RGS20: variants seen among roughly 807,000 people sequenced by gnomAD.
RGS20 encodes regulator of G protein signaling 20.
In RGS20, 30 loss-of-function variants were observed where a neutral mutation model predicts 33.6. The ratio of observed to expected loss-of-function variants is 0.89; its 90% CI spans 0.67 to 1.21. The LOEUF is 1.21. RGS20 is among the 50% of genes most tolerant of loss of function. The pLI is 0.00. For missense variants in RGS20, 472 were observed against 502.4 expected (o/e 0.94, Z 0.58); for synonymous variants, 208 against 197.9 (o/e 1.05, Z -0.43).
chr8:53,889,412 CTTTTTTTTTTTTT>C (rs34316630), intron 2 of RGS20, among the ~76,000 whole-genome samples: 1,120 of 41,872 alleles, frequency 0.027, 89 homozygotes, highest in South Asian at 0.054. Context: ...CTCTCTCTCT[CTTTTTTTTTTTTT>C]TTTTTTTTTT....
intron 2 of RGS20, among the ~76,000 whole-genome samples, chr8:53,915,900 T>G (rs189960170): frequency 6.6e-6 from 1 of 152,352 alleles, no homozygotes; most frequent in East Asian, 1.9e-4. Context: ...TACTGACATA[T>G]TTTACCATAT....
At position 53,876,290 on chromosome 8, in the gene RGS20, C is replaced by T. The variant is rs1812206731; in HGVS notation, c.166-2968C>T. 2.0e-5 allele frequency: 3 copies of T among 152,188 alleles called. No homozygotes were observed. The South Asian group carries it at 6.2e-4, about 31-fold the overall frequency. 9.4% of individuals were successfully genotyped at this position (152,188 alleles called of 1,614,324 possible). A position where few individuals can be genotyped will look rare whatever the true frequency, so the allele number is the denominator to read the frequency against. ...AACCTTCCATTTGAAATGGGCAAGA[C>T]ATTGTTCATACGGATTTAGGCTGTG... On this transcript the variant is annotated intron_variant, in intron 1 of 5. Transcript: ENST00000297313.
In RGS20 at chr8:53,879,470, C is replaced by T. The variant is rs1359389006; in HGVS notation, c.378C>T (p.Arg126=). ...GGGGGCACGAGGAGCTGCCGGGCCG[C>T]CTCTCGCTCCTGCTCGGGGCGGCGC... Residue 126 remains arginine, a synonymous_variant, in exon 2 of 6, where the codon CGC becomes CGT. Coordinates refer to ENST00000297313, the MANE Select transcript of RGS20 (RefSeq NM_170587.4). 1 of 1,583,538 alleles carries T rather than the reference C, an allele frequency of 6.3e-7. No individual in the cohort carries two copies. The highest frequency in any genetic ancestry group is 1.1e-5 in the South Asian group (1 of 87,372).
intron 3 of RGS20, among the ~76,000 whole-genome samples, chr8:53,944,826 C>A (rs1814424179): frequency 6.6e-6 from 1 of 152,144 alleles, no homozygotes; most frequent in South Asian, 2.1e-4. Context: ...ACACATCTCT[C>A]CAAAGATGTA....
At chr8:53,898,567 C>A (rs1003470197) in intron 2 of RGS20, among the ~76,000 whole-genome samples, 3 of 152,292 alleles carry the variant, frequency 2.0e-5, no homozygotes, top group Middle Eastern at 3.4e-3. Flanking sequence ...TTGAAGCATG[C>A]ATAACACATG....
intron 2 of RGS20, among the ~76,000 whole-genome samples, chr8:53,907,785 G>A (rs1052764329): frequency 3.3e-5 from 5 of 152,096 alleles, no homozygotes; most frequent in African/African-American, 1.2e-4. Context: ...AGAGGGGTAG[G>A]AAATGAGGGG....
At chr8:53,945,742 C>G (rs1179574537) in intron 3 of RGS20, among the ~76,000 whole-genome samples, 1 of 151,788 alleles carries the variant, frequency 6.6e-6, no homozygotes, top group Non-Finnish European at 1.5e-5. Context: ...ATGGTGAAAC[C>G]AAATACAAAA....
At chr8:53,864,457 A>T (rs1232837483) in intron 1 of RGS20, among the ~76,000 whole-genome samples, 2 of 150,398 alleles carry the variant, frequency 1.3e-5, no homozygotes, top group Non-Finnish European at 3.0e-5. Flanking sequence ...AAAAACTCAG[A>T]TACTTTGAGT....
intron 1 of RGS20, chr8:53,876,431 G>A (rs1812210625): frequency 6.6e-6 from 1 of 152,192 alleles, no homozygotes; most frequent in African/African-American, 2.4e-5. Flanking sequence ...GGATCCCTAA[G>A]GACCAGTGCT....
chr8:53,930,855 G>C (rs1042461368), intron 2 of RGS20, among the ~76,000 whole-genome samples: 4 of 152,134 alleles, frequency 2.6e-5, no homozygotes, highest in African/African-American at 9.7e-5. Flanking sequence ...ACATCTCATA[G>C]GAAATAATAG....
chr8:53,900,888 T>A (rs1039772290), intron 2 of RGS20, among the ~76,000 whole-genome samples: 1 of 151,996 alleles, frequency 6.6e-6, no homozygotes, highest in Non-Finnish European at 1.5e-5. Context: ...CTCAGAGGAC[T>A]CCTCCAAGTA....
chr8:53,900,793 G>A (rs950567090), intron 2 of RGS20, among the ~76,000 whole-genome samples: 6 of 152,140 alleles, frequency 3.9e-5, no homozygotes, highest in African/African-American at 1.4e-4. Context: ...TATTGCACCA[G>A]ACTGCTGGAC....
intron 2 of RGS20, chr8:53,880,973 C>CA (rs1812352593): frequency 1.3e-6 from 2 of 1,585,000 alleles, no homozygotes; most frequent in African/African-American, 1.3e-5. Context: ...GTAGAGAGGG[C>CA]AGCCCTCCGC....
At chr8:53,881,501 A>G (rs902226673) in intron 2 of RGS20, among the ~76,000 whole-genome samples, 15 of 151,958 alleles carry the variant, frequency 9.9e-5, no homozygotes, top group African/African-American at 3.6e-4. Context: ...TAGGGAGAGG[A>G]CAAGGAAGGG....
intron 2 of RGS20, among the ~76,000 whole-genome samples, chr8:53,889,412 CTTTTTTT>C (rs34316630): frequency 0.08 from 3,353 of 41,822 alleles, 697 homozygotes; most frequent in African/African-American, 0.18. Flanking sequence ...CTCTCTCTCT[CTTTTTTT>C]TTTTTTTTTT....
chr8:53,916,069 G>A (rs1237701631), intron 2 of RGS20, among the ~76,000 whole-genome samples: 3 of 152,090 alleles, frequency 2.0e-5, no homozygotes, highest in African/African-American at 4.8e-5. Flanking sequence ...TGTTGCCCAA[G>A]CTAACTGCGG....
intron 1 of RGS20, among the ~76,000 whole-genome samples, chr8:53,853,989 G>A (rs552161850): frequency 6.6e-6 from 1 of 152,200 alleles, no homozygotes; most frequent in South Asian, 2.1e-4. Context: ...GAGGGAACGT[G>A]AGCTAAAATG....
chr8:53,914,716 T>G (rs1468872212), intron 2 of RGS20: 1 of 152,204 alleles, frequency 6.6e-6, no homozygotes, highest in Non-Finnish European at 1.5e-5. Context: ...TTAAAAAATT[T>G]CAGTGCTCAC....
intron 4 of RGS20, among the ~76,000 whole-genome samples, chr8:53,949,389 A>C (rs996752198): frequency 6.6e-6 from 1 of 150,382 alleles, no homozygotes; most frequent in Non-Finnish European, 1.5e-5. Context: ...AGCAAACATG[A>C]AACAGTTATA....
Sources: gnomAD v4.1 joint callset for allele counts (sites outside exome capture counted in the v4.1 genomes callset) on GRCh38, gnomAD v4.1.1 for gene constraint, MANE v1.5 for transcripts, NCBI Gene and HGNC (gene_info 2026-07-23, HGNC 2026-07-21) for gene names.